Variants in TAPT1 observed in about 807,000 individuals in gnomAD.
TAPT1 encodes transmembrane anterior posterior transformation 1, also known as transmembrane anterior posterior transformation protein 1 homolog.
A neutral mutation model predicts 65.6 loss-of-function variants in TAPT1; 28 were observed. That is an observed-to-expected ratio of 0.43 (90% CI 0.32 to 0.59). TAPT1 has a LOEUF of 0.59. Ranked by LOEUF, TAPT1 falls within the 20% of genes least tolerant of loss-of-function variation. The probability of loss-of-function intolerance (pLI) is 0.09; values close to 1 mark genes in which losing one functional copy is unlikely to be tolerated. For synonymous variants in TAPT1, 278 were observed against 245.2 expected, an observed-to-expected ratio of 1.13 and a Z score of -1.25; for missense variants, 563 against 679.9, an observed-to-expected ratio of 0.83 and a Z score of 1.91.
intron 12 of TAPT1, among the ~76,000 whole-genome samples, chr4:16,170,440 A>C (rs2149669924): frequency 6.6e-6 from 1 of 152,384 alleles, no homozygotes; most frequent in South Asian, 2.1e-4. Flanking sequence ...GCTAAAAATT[A>C]AAATAAAATC....
chr4:16,193,037 A>G (rs1329720345), intron 3 of TAPT1, among the ~76,000 whole-genome samples: 2 of 152,214 alleles, frequency 1.3e-5, no homozygotes, highest in Non-Finnish European at 2.9e-5. Flanking sequence ...TGCTCTACCA[A>G]TTCTGTGAGC....
At chr4:16,178,830 A>G (rs1196514588) in intron 8 of TAPT1, 1 of 152,196 alleles carries the variant, frequency 6.6e-6, no homozygotes, top group Non-Finnish European at 1.5e-5. Context: ...AATGCTAATC[A>G]ATGGGTAAAA....
chr4:16,226,581 G>C, upstream of TAPT1: 6 of 631,964 alleles, frequency 9.5e-6, no homozygotes, highest in South Asian at 7.1e-5. Flanking sequence ...CGCCATCCGC[G>C]GCCCGCCGAC....
At chr4:16,220,428 T>C (rs563060585) in intron 1 of TAPT1, among the ~76,000 whole-genome samples, 15 of 152,222 alleles carry the variant, frequency 9.9e-5, no homozygotes, top group Non-Finnish European at 1.9e-4. Flanking sequence ...TTTTAAGATG[T>C]CAATTAATCT....
intron 3 of TAPT1, among the ~76,000 whole-genome samples, chr4:16,195,028 G>A (rs73234651): frequency 0.071 from 10,773 of 152,110 alleles, 541 homozygotes; most frequent in Middle Eastern, 0.14. Flanking sequence ...CACCGTGCCC[G>A]ATAAGGGTCT....
At chr4:16,171,628 T>A (rs1011756706) in intron 11 of TAPT1, among the ~76,000 whole-genome samples, 23 of 152,176 alleles carry the variant, frequency 1.5e-4, no homozygotes, top group Non-Finnish European at 2.9e-4. Context: ...GCTGGGGCAA[T>A]GGCTTGTCAT....
intron 1 of TAPT1, among the ~76,000 whole-genome samples, chr4:16,221,579 T>C (rs985919993): frequency 1.3e-5 from 2 of 152,218 alleles, no homozygotes; most frequent in African/African-American, 4.8e-5. Flanking sequence ...AAGCTTATTT[T>C]AGAAATAAGA....
intron 1 of TAPT1, chr4:16,214,484 C>T (rs1191094226): frequency 6.6e-6 from 1 of 152,230 alleles, no homozygotes; most frequent in Non-Finnish European, 1.5e-5. Context: ...TCAGAAAAAC[C>T]TCCCTTTCCT....
chr4:16,193,718 C>T (rs757716286), intron 3 of TAPT1, among the ~76,000 whole-genome samples: 23 of 152,144 alleles, frequency 1.5e-4, no homozygotes, highest in South Asian at 4.1e-4. Flanking sequence ...TGACTGTCTC[C>T]ACTTGGGCAG....
chr4:16,177,508 A>ATCAC (rs1378175654), intron 8 of TAPT1, among the ~76,000 whole-genome samples: 1 of 152,200 alleles, frequency 6.6e-6, no homozygotes, highest in Non-Finnish European at 1.5e-5. Context: ...TGAGTCTGGC[A>ATCAC]TCACATCAGG....
At chr4:16,223,611 A>G (rs552216558) in intron 1 of TAPT1, among the ~76,000 whole-genome samples, 4 of 152,382 alleles carry the variant, frequency 2.6e-5, no homozygotes, top group Admixed American at 1.3e-4. Context: ...CAGGCTAAAT[A>G]TAAGTCAGAA....
At chr4:16,186,929 A>C in intron 5 of TAPT1, 51 bp from the exon 6 acceptor site, 1 of 988,940 alleles carries the variant, frequency 1.0e-6, no homozygotes, top group South Asian at 1.4e-5. Flanking sequence ...ATTATTACTG[A>C]TAATACTATA....
intron 3 of TAPT1, among the ~76,000 whole-genome samples, chr4:16,192,811 T>C (rs898196212): frequency 1.3e-5 from 2 of 152,210 alleles, no homozygotes; most frequent in African/African-American, 4.8e-5. Context: ...TTTCCACCAA[T>C]TGTGACAATG....
chr4:16,200,312 C>T (rs73130439), intron 3 of TAPT1, among the ~76,000 whole-genome samples: 24,947 of 152,100 alleles, frequency 0.16, 2,399 homozygotes, highest in East Asian at 0.3. Context: ...AAAAGCCCTA[C>T]ATAGTATTAG....
chr4:16,226,644 CGCCGCCACGGTA>C, upstream of TAPT1: 1 of 196,622 alleles, frequency 5.1e-6, no homozygotes, highest in East Asian at 1.8e-4. Context: ...CCGCCGCCGC[CGCCGCCACGGTA>C]GCCGCCATCT....
At chr4:16,172,996 G>T (rs560634887) in intron 11 of TAPT1, among the ~76,000 whole-genome samples, 1 of 151,862 alleles carries the variant, frequency 6.6e-6, no homozygotes, top group Non-Finnish European at 1.5e-5. Context: ...ACTAATTTTT[G>T]TATTTTTAGT....
chr4:16,222,956 C>A (rs1262794727), intron 1 of TAPT1, among the ~76,000 whole-genome samples: 1 of 152,184 alleles, frequency 6.6e-6, no homozygotes, highest in Non-Finnish European at 1.5e-5. Context: ...ATACCTATCC[C>A]CATGCATCTC....
At position 16,174,686 on chromosome 4, in the gene TAPT1, C is replaced by T; in HGVS notation, c.1151G>A (p.Ser384Asn). The change falls in exon 10 of 14, where the codon AGC (serine) becomes AAC (asparagine). Residue 384 changes from serine to asparagine, a missense_variant. Ser to Asn is a conservative substitution (Grantham distance 46). This residue lies in a region of TAPT1 where 104 missense variants were observed against 102.5 expected (regional missense o/e 1.01). Transcript: ENST00000405303. ...AATGCTCACATTTTTCTGTCGGCTG[C>T]TAACAAGGTCAAAAGCAAGACTGGC... The part of the protein sequence containing the change: ...YRASLAFDLV[S>N]SRQKNAYTDY... The T allele has an allele frequency of 6.3e-7, 1 of 1,593,912 alleles. No homozygotes were observed. Among genetic ancestry groups the T allele is most frequent in the South Asian group, 1.1e-5 (1 of 87,540 alleles).
At chr4:16,218,607 A>C (rs763022576) in intron 1 of TAPT1, among the ~76,000 whole-genome samples, 9 of 152,164 alleles carry the variant, frequency 5.9e-5, no homozygotes, top group Non-Finnish European at 1.0e-4. Context: ...TGTCAATTTC[A>C]CCGAAAAGAA....
Sources: gnomAD v4.1 joint callset for allele counts (sites outside exome capture counted in the v4.1 genomes callset) on GRCh38, gnomAD v4.1.1 for gene constraint, gnomAD v4.1.1 regional missense constraint, MANE v1.5 for transcripts, NCBI Gene and HGNC (gene_info 2026-07-23, HGNC 2026-07-21) for gene names.